Variants in MDN1 observed in about 807,000 individuals in gnomAD.
MDN1 encodes the protein midasin.
Under a neutral mutation model 669.2 loss-of-function variants are expected in MDN1, and 266 were observed. The observed-to-expected ratio is 0.40, with a 90% CI of 0.36 to 0.44. MDN1 has a LOEUF of 0.44. MDN1 is among the 20% of genes least tolerant of loss of function. MDN1 has a pLI of 1.00. For missense variants in MDN1, 5,940 were observed against 6,754.0 expected (o/e 0.88, Z 4.22); for synonymous variants, 2,385 against 2,457.1 (o/e 0.97, Z 0.87).
chr6:89,728,437 C>G (rs1430287129), intron 36 of MDN1, among the ~76,000 whole-genome samples: 3 of 152,038 alleles, frequency 2.0e-5, no homozygotes, highest in Non-Finnish European at 2.9e-5. Flanking sequence ...AATAAAGCAT[C>G]CAGAGAGAAT....
Position 89,716,825 on chromosome 6 carries a change from G to A in MDN1, c.6584-16C>T. 1 of 1,591,208 alleles carries A rather than the reference G, an allele frequency of 6.3e-7. No homozygotes were observed. Among genetic ancestry groups the A allele is most frequent in the Non-Finnish European group, 8.6e-7 (1 of 1,169,358 alleles). On this transcript the variant is annotated splice_polypyrimidine_tract_variant and intron_variant, in intron 43 of 101. Coordinates refer to ENST00000369393, the MANE Select transcript of MDN1 (RefSeq NM_014611.3). ...TTGGCAAACTCTGAAATGTCACAGG[G>A]AAGAATCACCATCCACAGCACTTAA... is the stretch of plus-strand genomic sequence containing the variant.
chr6:89,664,761 C>T (rs1411623915), intron 84 of MDN1, 133 bp from the exon 85 acceptor site: 2 of 652,794 alleles, frequency 3.1e-6, no homozygotes, highest in African/African-American at 3.7e-5. Context: ...ACAACAGAGA[C>T]AGCCACATGG....
At chr6:89,670,162 A>ATTTTT (rs1562061975) in intron 83 of MDN1, among the ~76,000 whole-genome samples, 5 of 22,292 alleles carry the variant, frequency 2.2e-4, no homozygotes, top group East Asian at 5.7e-3. Flanking sequence ...ATATATATAT[A>ATTTTT]TATATATATT....
intron 17 of MDN1, 98 bp downstream of exon 17, chr6:89,761,547 A>G: frequency 1.3e-6 from 1 of 774,398 alleles, no homozygotes; most frequent in Non-Finnish European, 2.0e-6. Context: ...CCCCAAAATC[A>G]TTATTTCATT....
chr6:89,687,004 C>G lies in MDN1; in HGVS notation c.11470G>C (p.Asp3824His), dbSNP rs754252896. ...LELNCWSMSL[D>H]NTMKRHTEKS... is the part of the protein sequence containing the mutation. ...TCGGTGTGGCGCTTCATAGTATTAT[C>G]CAAACTCATGGACCAGCAGCTGAAA... is the stretch of plus-strand genomic sequence containing the variant. The change falls in exon 69 of 102, where the codon GAT becomes CAT. Residue 3824 changes from aspartate to histidine, a missense_variant. By Grantham distance (81) the Asp-to-His change is moderately conservative. This residue lies in a region of MDN1 where 2,280 missense variants were observed against 2,576.3 expected (regional missense o/e 0.88). Transcript: ENST00000369393. 9.4e-6 allele frequency: 15 copies of G among 1,602,314 alleles called. No individual in the cohort carries two copies. In the Admixed American group the frequency reaches 2.4e-4, roughly 25 times the overall value.
chr6:89,695,802 C>T lies in MDN1; in HGVS notation c.9574G>A (p.Glu3192Lys). ...DMAGQEVLPKELLCQLLTSLH... is the reference protein window; with the variant it reads ...DMAGQEVLPKKLLCQLLTSLH... ...GAGGTGAGCAACTGGCAGAGCAGTT[C>T]CTTGGGCAGCACCTCCTGACCAGCC... The change falls in exon 61 of 102, where the codon GAA (glutamate) becomes AAA (lysine). Residue 3192 changes from glutamate to lysine, a missense_variant. Coordinates refer to ENST00000369393, the MANE Select transcript of MDN1 (RefSeq NM_014611.3). The surrounding 1 kb of genome is among the most constrained non-coding windows in gnomAD (Gnocchi z 4.1). 1.2e-6 allele frequency: 2 copies of T among 1,613,726 alleles called. No homozygotes were observed. Among genetic ancestry groups the T allele is most frequent in the South Asian group, 1.1e-5 (1 of 91,082 alleles).
intron 43 of MDN1, 123 bp from the exon 44 acceptor site, chr6:89,716,932 A>G: frequency 9.0e-7 from 1 of 1,113,502 alleles, no homozygotes; most frequent in Non-Finnish European, 1.2e-6. Flanking sequence ...AAGAATAAAT[A>G]GAAGAATGTT....
chr6:89,680,745 T>C lies in MDN1; in HGVS notation c.12109A>G (p.Ile4037Val), dbSNP rs1323528492. 1.9e-6 allele frequency: 3 copies of C among 1,613,680 alleles called. No homozygotes were observed. Among genetic ancestry groups the C allele is most frequent in the East Asian group, 2.2e-5 (1 of 44,890 alleles). The change falls in exon 74 of 102, where the codon ATT becomes GTT. Residue 4037 changes from isoleucine (I) to valine (V), a missense_variant. This residue lies in a region of MDN1 where 2,280 missense variants were observed against 2,576.3 expected (regional missense o/e 0.88). Coordinates refer to ENST00000369393, the MANE Select transcript of MDN1 (RefSeq NM_014611.3). ...GCAGCGCCCTGACACCACTCTGGAA[T>C]TGTGGCCTGTGAGACAAAAGACAGG... Reference protein sequence around the residue: ...LAQPAAGQATIPEWCQGAAPS... With the variant: ...LAQPAAGQATVPEWCQGAAPS...
chr6:89,780,634 C>G (rs1302338951), intron 10 of MDN1, among the ~76,000 whole-genome samples: 1 of 148,902 alleles, frequency 6.7e-6, no homozygotes, highest in Non-Finnish European at 1.5e-5. Context: ...TGAGGAGATG[C>G]CATTTCCTTT....
At chr6:89,739,862 G>C (rs1003709083) in intron 32 of MDN1, among the ~76,000 whole-genome samples, 7 of 152,184 alleles carry the variant, frequency 4.6e-5, no homozygotes, top group African/African-American at 1.7e-4. Flanking sequence ...GTTTAAGAAA[G>C]TGGACTGTAA....
chr6:89,650,913 T>C (rs1808806535), intron 95 of MDN1, 66 bp from the exon 96 acceptor site: 1 of 1,357,964 alleles, frequency 7.4e-7, no homozygotes, highest in East Asian at 2.3e-5. Flanking sequence ...TCTAGCAAGA[T>C]GCAGGCTTTA....
At chr6:89,757,532 A>AT (rs1054970847) in intron 19 of MDN1, among the ~76,000 whole-genome samples, 3 of 152,224 alleles carry the variant, frequency 2.0e-5, no homozygotes, top group Non-Finnish European at 4.4e-5. Context: ...AGAGCAGAGG[A>AT]ATATGACAAA....
intron 59 of MDN1, among the ~76,000 whole-genome samples, chr6:89,696,877 C>T (rs1470129126): frequency 1.3e-5 from 2 of 152,176 alleles, no homozygotes; most frequent in Non-Finnish European, 2.9e-5. Context: ...TAAGAGCCAA[C>T]TCAGGGTGCA....
chr6:89,788,365 T>G (rs951164464), intron 7 of MDN1, among the ~76,000 whole-genome samples: 5 of 152,218 alleles, frequency 3.3e-5, no homozygotes, highest in African/African-American at 1.2e-4. Context: ...CAGTGAAGTC[T>G]TCCCAGAGGT....
Position 89,650,805 on chromosome 6 carries a change from T to C in MDN1, c.15958A>G (p.Thr5320Ala). 1 of 1,614,154 alleles carries C rather than the reference T, an allele frequency of 6.2e-7. No individual in the cohort carries two copies. Among genetic ancestry groups the C allele is most frequent in the Non-Finnish European group, 8.5e-7 (1 of 1,179,998 alleles). ...AEMWQSYLIL[T>A]APLSQRLCEE... ...CATAACCGTTGTGAAAGAGGCGCTG[T>C]TAAGATCAGGTAACTCTGCCACATC... is the stretch of plus-strand genomic sequence containing the variant. The change falls in exon 96 of 102, where the codon ACA (threonine) becomes GCA (alanine). Residue 5320 changes from threonine to alanine, a missense_variant. By Grantham distance (58) the Thr-to-Ala change is moderately conservative. This residue lies in a region of MDN1 where 2,280 missense variants were observed against 2,576.3 expected (regional missense o/e 0.88). Coordinates refer to ENST00000369393, the MANE Select transcript of MDN1 (RefSeq NM_014611.3).
At chr6:89,778,930 A>G (rs1163344729) in intron 11 of MDN1, among the ~76,000 whole-genome samples, 2 of 142,322 alleles carry the variant, frequency 1.4e-5, no homozygotes, top group African/African-American at 5.6e-5. Flanking sequence ...AAATAAATAA[A>G]TAAAAAAAAA....
chr6:89,769,956 G>C (rs953895147), intron 15 of MDN1, among the ~76,000 whole-genome samples: 3 of 152,118 alleles, frequency 2.0e-5, no homozygotes, highest in African/African-American at 7.2e-5. Flanking sequence ...AAATAGACCA[G>C]GCCTGGTGGC....
intron 26 of MDN1, 102 bp from the exon 27 acceptor site, chr6:89,747,572 T>G: frequency 8.0e-7 from 1 of 1,257,706 alleles, no homozygotes; most frequent in Middle Eastern, 1.9e-4. Context: ...ATGCTCCCAT[T>G]TAAATGATTT....
In MDN1 at chr6:89,656,598, C is replaced by A. The variant is rs532725374; in HGVS notation, c.15285+102G>T. Reference sequence around the variant, plus strand: ...ATCTGATGCAACAACAACAAAAAAACCAGGAGTATAGCTTTTTTTTTTTTT... The same window carrying A: ...ATCTGATGCAACAACAACAAAAAAAACAGGAGTATAGCTTTTTTTTTTTTT... On this transcript the variant is annotated intron_variant, in intron 91 of 101. Coordinates refer to ENST00000369393, the MANE Select transcript of MDN1 (RefSeq NM_014611.3). 239 of 947,902 alleles carry A rather than the reference C, an allele frequency of 2.5e-4. No homozygotes were observed. The African/African-American group carries it at 2.8e-3, about 11-fold the overall frequency. 58.7% of individuals were successfully genotyped at this position (947,902 alleles called of 1,614,324 possible).
Sources: allele counts gnomAD v4.1 joint callset (sites outside exome capture counted in the v4.1 genomes callset), GRCh38; gene constraint gnomAD v4.1.1; regional missense constraint gnomAD v4.1.1; non-coding constraint Gnocchi (gnomAD v3.1); transcripts MANE v1.5; gene names NCBI Gene and HGNC (gene_info 2026-07-23, HGNC 2026-07-21).